WDR36: variants seen among roughly 807,000 people sequenced by gnomAD.
WDR36 encodes the protein WD repeat-containing protein 36.
WDR36 carries 63 observed loss-of-function variants against 112.7 expected under a neutral mutation model. That is an observed-to-expected ratio of 0.56 (90% CI 0.46 to 0.69). The LOEUF is 0.69. Among genes scored for constraint, WDR36 ranks in the 30% least tolerant of loss-of-function variants. The pLI, the probability that WDR36 is intolerant of heterozygous loss-of-function variation, is 0.00. For missense variants in WDR36, 1,226 were observed against 1,070.3 expected, an observed-to-expected ratio of 1.15 and a Z score of -2.03; for synonymous variants, 410 against 362.2, an observed-to-expected ratio of 1.13 and a Z score of -1.50.
chr5:111,104,725 A>G lies in WDR36; in HGVS notation c.935A>G (p.Glu312Gly). 6.2e-7 allele frequency: 1 copy of G among 1,611,352 alleles called. No individual in the cohort carries two copies. Among genetic ancestry groups the G allele is most frequent in the Non-Finnish European group, 8.5e-7 (1 of 1,177,942 alleles). The change falls in exon 9 of 23, where the codon GAA (glutamate) becomes GGA (glycine). Residue 312 changes from glutamate (E) to glycine (G), a missense_variant. Glu to Gly is a moderately conservative substitution (Grantham distance 98). Coordinates refer to ENST00000513710, the MANE Select transcript of WDR36 (RefSeq NM_139281.3). ...RIWIFDGPTG[E>G]GRLLRFRMGH... ...TGGATATTTGATGGTCCTACAGGTG[A>G]AGGCCGACTTTTGAGATTCAGAATG... is the stretch of plus-strand genomic sequence containing the variant.
At chr5:111,102,301 C>CAAA (rs35339070) in intron 5 of WDR36, 44 bp from the exon 6 acceptor site, 206 of 1,327,060 alleles carry the variant, frequency 1.6e-4, no homozygotes, top group Non-Finnish European at 1.7e-4. Context: ...TGTTTTCCTC[C>CAAA]AAAAAAAAAA....
intron 19 of WDR36, 82 bp downstream of exon 19, chr5:111,121,223 C>A: frequency 6.8e-7 from 1 of 1,462,158 alleles, no homozygotes; most frequent in Non-Finnish European, 9.6e-7. Context: ...ACTTCTCCTA[C>A]ATTGAGGGCA....
chr5:111,092,579 T>C lies in WDR36; in HGVS notation c.123T>C (p.Tyr41=). ...TCAGCGCGCTCAAGCGCCGGTTCTA[T>C]GTAACAACCTGCGTGGGCAAGAGTT... ...VRFSALKRRF[Y]VTTCVGKSFH... Residue 41 remains tyrosine, a synonymous_variant, in exon 1 of 23, where the codon TAT becomes TAC. Coordinates refer to ENST00000513710, the MANE Select transcript of WDR36 (RefSeq NM_139281.3). 1 of 1,614,126 alleles carries C rather than the reference T, an allele frequency of 6.2e-7. No homozygotes were observed. Among genetic ancestry groups the C allele is most frequent in the South Asian group, 1.1e-5 (1 of 91,074 alleles).
rs67437234 is a variant in WDR36, at chr5:111,099,463, G to GTTTTTTTTTTTTTTTTTTTTTTTTTTT, written c.409+645_409+646insTTTTTTTTTTTTTTTTTTTTTTTTTTT. 4.7e-5 allele frequency among the ~76,000 whole-genome samples: 4 copies of GTTTTTTTTTTTTTTTTTTTTTTTTTTT among 84,968 alleles called. 1 individual carries two copies. Among genetic ancestry groups the GTTTTTTTTTTTTTTTTTTTTTTTTTTT allele is most frequent in the Non-Finnish European group, 4.9e-5 (2 of 40,428 alleles). 55.7% of individuals were successfully genotyped at this position (84,968 alleles called of 152,430 possible). Reference sequence around the variant, plus strand: ...TTGGTTTTTTTTTGTTTTTTTTTTTGTTTTTTTTTTTTTTTTTTTTTCAGT... The same window carrying GTTTTTTTTTTTTTTTTTTTTTTTTTTT: ...TTGGTTTTTTTTTGTTTTTTTTTTTGTTTTTTTTTTTTTTTTTTTTTTTTTTTTTTTTTTTTTTTTTTTTTTTTCAGT... On this transcript the variant is annotated intron_variant, in intron 4 of 22. Coordinates refer to ENST00000513710, the MANE Select transcript of WDR36 (RefSeq NM_139281.3).
chr5:111,104,006 T>A, intron 7 of WDR36, 88 bp downstream of exon 7: 1 of 1,529,928 alleles, frequency 6.5e-7, no homozygotes, highest in Non-Finnish European at 8.9e-7. Flanking sequence ...TCTGGTAGCT[T>A]AATCTAATAG....
chr5:111,104,330 A>G lies in WDR36; in HGVS notation c.884A>G (p.Asn295Ser). The G allele has an allele frequency of 6.2e-7, 1 of 1,611,930 alleles. No individual in the cohort carries two copies. Among genetic ancestry groups the G allele is most frequent in the South Asian group, 1.1e-5 (1 of 91,058 alleles). Residue 295 changes from asparagine to serine, a missense_variant, in exon 8 of 23, where the codon AAT becomes AGT. Physicochemically the swap from Asn to Ser is conservative, Grantham distance 46. Coordinates refer to ENST00000513710, the MANE Select transcript of WDR36 (RefSeq NM_139281.3). The stretch of plus-strand genomic sequence containing the variant: ...CATAGAGAGCCACTTCTTGTCACAA[A>G]TGGCGCTGACAATGCTCTTAGGGTA... Reference protein sequence around the residue: ...FLHREPLLVTNGADNALRIWI... With the variant: ...FLHREPLLVTSGADNALRIWI...
At chr5:111,100,845 A>G (rs1218082558) in intron 5 of WDR36, 124 bp downstream of exon 5, 2 of 974,466 alleles carry the variant, frequency 2.1e-6, no homozygotes, top group African/African-American at 3.3e-5. Flanking sequence ...GTCTATAAAT[A>G]ACAGTTGGTC....
At chr5:111,126,066 AGTCTT>A (rs1753674062) in intron 22 of WDR36, among the ~76,000 whole-genome samples, 1 of 152,108 alleles carries the variant, frequency 6.6e-6, no homozygotes, top group Non-Finnish European at 1.5e-5. Flanking sequence ...GCAGCTTGGG[AGTCTT>A]GTTTTGTTTT....
chr5:111,122,845 G>C (rs550484322), intron 19 of WDR36, among the ~76,000 whole-genome samples: 11 of 152,252 alleles, frequency 7.2e-5, no homozygotes, highest in Non-Finnish European at 1.3e-4. Context: ...GGTGGGGCAC[G>C]GTGGCGCACG....
At position 111,130,106 on chromosome 5, in the gene WDR36, TG is replaced by T. The variant is rs1753761459; in HGVS notation, c.*3224del. ...GTTAACTGCTGGTGAGCACATCTCTTGAAGTTTTGATATGGGTTGCACAACA... is the reference window on the plus strand; with the variant it reads ...GTTAACTGCTGGTGAGCACATCTCTTAAGTTTTGATATGGGTTGCACAACA... On this transcript the variant is annotated 3_prime_UTR_variant, in exon 23 of 23. Transcript: ENST00000513710. 4.8e-6 allele frequency: 1 copy of T among 209,420 alleles called. No individual in the cohort carries two copies. The highest frequency in any genetic ancestry group is 5.9e-5 in the Admixed American group (1 of 16,868). 13.0% of individuals were successfully genotyped at this position (209,420 alleles called of 1,614,324 possible).
chr5:111,094,855 C>T lies in WDR36; in HGVS notation c.163-65C>T. 4 of 1,300,822 alleles carry T rather than the reference C, an allele frequency of 3.1e-6. No homozygotes were observed. The Admixed American group carries it at 5.8e-5, about 19-fold the overall frequency. The allele number at this position is 1,300,822 out of a possible 1,614,324, so 80.6% of individuals were successfully genotyped here. On this transcript the variant is annotated intron_variant, in intron 1 of 22. Transcript: ENST00000513710. ...ACGTATGAGGTTATATCTTAATCTT[C>T]AGGTGTTAGGTTATTATGATTATGT...
intron 2 of WDR36, 127 bp downstream of exon 2, chr5:111,095,074 C>T: frequency 1.2e-6 from 1 of 846,618 alleles, no homozygotes; most frequent in East Asian, 2.7e-5. Context: ...CTTACATTAT[C>T]AGCAACAAAA....
chr5:111,110,792 C>G lies in WDR36; in HGVS notation c.1446C>G (p.His482Gln). ...HRGSFGKDQA[H>Q]KGSVRGVAVD... The stretch of plus-strand genomic sequence containing the variant: ...CTTTTGACATCTACCTTACAGCTCA[C>G]AAGGGATCTGTTAGAGGTGTCGCAG... The change falls in exon 14 of 23, where the codon CAC (histidine) becomes CAG (glutamine). Residue 482 changes from histidine to glutamine, a missense_variant. His to Gln is a conservative substitution (Grantham distance 24). Coordinates refer to ENST00000513710, the MANE Select transcript of WDR36 (RefSeq NM_139281.3). 6.2e-7 allele frequency: 1 copy of G among 1,610,254 alleles called. No homozygotes were observed. Among genetic ancestry groups the G allele is most frequent in the Admixed American group, 1.7e-5 (1 of 59,616 alleles).
intron 13 of WDR36, 69 bp downstream of exon 13, chr5:111,110,372 G>GTA (rs1196906748): frequency 7.7e-7 from 1 of 1,304,262 alleles, no homozygotes; most frequent in Non-Finnish European, 1.1e-6. Flanking sequence ...AAGCTGGTAT[G>GTA]TATAATCTTT....
At chr5:111,112,353 T>C (rs1753359005) in intron 15 of WDR36, among the ~76,000 whole-genome samples, 1 of 152,038 alleles carries the variant, frequency 6.6e-6, no homozygotes, top group South Asian at 2.1e-4. Context: ...ACCACCCTTC[T>C]GTAAATTGAT....
intron 6 of WDR36, 104 bp from the exon 7 acceptor site, chr5:111,103,682 A>C: frequency 7.0e-7 from 1 of 1,422,922 alleles, no homozygotes; most frequent in Non-Finnish European, 9.8e-7. Context: ...TTTAGAAGAT[A>C]CTTCATTATT....
chr5:111,122,897 G>C (rs1753596208), intron 19 of WDR36, among the ~76,000 whole-genome samples: 1 of 152,134 alleles, frequency 6.6e-6, no homozygotes, highest in Non-Finnish European at 1.5e-5. Context: ...ATCATTTGAG[G>C]TCAGGAGTTC....
At chr5:111,123,215 G>A (rs36061705) in intron 19 of WDR36, among the ~76,000 whole-genome samples, 5,210 of 152,106 alleles carry the variant, frequency 0.034, 276 homozygotes, top group African/African-American at 0.12. Flanking sequence ...AATTTTACTA[G>A]CATTTGAAAT....
In WDR36 at chr5:111,128,818, CTCTT is replaced by C. The variant is rs1483268678; in HGVS notation, c.*1938_*1941del. ...CTTAAAATATATCAATCTGTGCACA[CTCTT>C]TCAGTTTTTTAATTACTCATGTAAT... On this transcript the variant is annotated 3_prime_UTR_variant, in exon 23 of 23. Transcript: ENST00000513710. The C allele has an allele frequency of 4.9e-5, 9 of 184,852 alleles. No homozygotes were observed. The highest frequency in any genetic ancestry group is 1.9e-4 in the Admixed American group (3 of 16,032). The allele number at this position is 184,852 out of a possible 1,614,324, so 11.5% of individuals were successfully genotyped here.
Sources: gnomAD v4.1 joint callset for allele counts (sites outside exome capture counted in the v4.1 genomes callset) on GRCh38, gnomAD v4.1.1 for gene constraint, MANE v1.5 for transcripts, NCBI Gene and HGNC (gene_info 2026-07-23, HGNC 2026-07-21) for gene names.